Variants in ZBTB20 observed in about 807,000 individuals in gnomAD.
ZBTB20 encodes zinc finger and BTB domain containing 20.
In ZBTB20, 9 loss-of-function variants were observed where a neutral mutation model predicts 56.9. That is an observed-to-expected ratio of 0.16 (90% CI 0.10 to 0.28). The LOEUF (loss-of-function observed/expected upper bound fraction) is 0.28, where lower values mean the gene tolerates loss of function less well. Among genes scored for constraint, ZBTB20 ranks in the 10% least tolerant of loss-of-function variants. The pLI is 1.00. For missense variants in ZBTB20, 655 were observed against 1,003.0 expected, an observed-to-expected ratio of 0.65 and a Z score of 4.69; for synonymous variants, 417 against 420.7, an observed-to-expected ratio of 0.99 and a Z score of 0.11.
intron 2 of ZBTB20, among the ~76,000 whole-genome samples, chr3:114,982,416 TGCTACCAAAGACA>T (rs1347564976): frequency 6.6e-6 from 1 of 152,084 alleles, no homozygotes; most frequent in Non-Finnish European, 1.5e-5. Flanking sequence ...CTTGGCAGAT[TGCTACCAAAGACA>T]GCAACCAATT....
intron 5 of ZBTB20, among the ~76,000 whole-genome samples, chr3:114,751,904 T>C (rs1437298489): frequency 6.6e-6 from 1 of 152,104 alleles, no homozygotes; most frequent in Admixed American, 6.6e-5. Context: ...GTAAGAAATG[T>C]GTTTTGAATT....
intron 6 of ZBTB20, among the ~76,000 whole-genome samples, chr3:114,681,066 T>G (rs1432848116): frequency 2.0e-5 from 3 of 152,224 alleles, no homozygotes; most frequent in Non-Finnish European, 2.9e-5. Context: ...TAGTAGACTC[T>G]AAACATATAT....
At position 114,936,421 on chromosome 3, in the gene ZBTB20, T is replaced by C. The variant is rs2076537226; in HGVS notation, c.-455-36079A>G. Among the ~76,000 whole-genome samples, 4 of 152,214 alleles carry C rather than the reference T, an allele frequency of 2.6e-5. 1 individual carries two copies. The South Asian group carries it at 8.3e-4, about 32-fold the overall frequency. On this transcript the variant is annotated intron_variant, in intron 3 of 11. Transcript: ENST00000675478. ...TACCATCCAGGGTTTTAGTTTAGCC[T>C]GAGTAAATGAGTAATCATTACATTT...
intron 1 of ZBTB20, among the ~76,000 whole-genome samples, chr3:115,120,872 C>G (rs1013640434): frequency 3.3e-5 from 5 of 151,944 alleles, no homozygotes; most frequent in Admixed American, 1.3e-4. Context: ...AATGTAAAGT[C>G]TTTGATTCAG....
intron 3 of ZBTB20, among the ~76,000 whole-genome samples, chr3:114,928,898 C>G (rs2076255110): frequency 6.6e-6 from 1 of 152,196 alleles, no homozygotes; most frequent in Admixed American, 6.5e-5. Context: ...CAATACAATG[C>G]TCTTTCCAAC....
chr3:115,021,474 A>G (rs935371726), intron 2 of ZBTB20, among the ~76,000 whole-genome samples: 1 of 150,962 alleles, frequency 6.6e-6, no homozygotes, highest in African/African-American at 2.4e-5. Context: ...ACACATACGC[A>G]ACATTAGAAA....
At chr3:114,357,405 T>TA (rs1244672431) in intron 10 of ZBTB20, among the ~76,000 whole-genome samples, 1 of 152,196 alleles carries the variant, frequency 6.6e-6, no homozygotes, top group East Asian at 1.9e-4. Flanking sequence ...AGACAAAGAT[T>TA]AAAAATTACT....
chr3:114,636,019 A>G (rs930652508), intron 6 of ZBTB20, among the ~76,000 whole-genome samples: 1 of 152,184 alleles, frequency 6.6e-6, no homozygotes. Context: ...CAGAATTTTG[A>G]GAGAAACAAG....
intron 5 of ZBTB20, among the ~76,000 whole-genome samples, chr3:114,783,122 C>G (rs1478766312): frequency 6.6e-6 from 1 of 152,086 alleles, no homozygotes; most frequent in Non-Finnish European, 1.5e-5. Context: ...AAAGTCTCTG[C>G]ATAAGAAGTA....
chr3:114,842,994 G>C (rs2074452393), intron 4 of ZBTB20, among the ~76,000 whole-genome samples: 1 of 152,060 alleles, frequency 6.6e-6, no homozygotes, highest in Non-Finnish European at 1.5e-5. Flanking sequence ...TAGTAAGTGA[G>C]GTCTCATAAG....
rs748610504 is a variant in ZBTB20 at position 115,068,687 on chromosome 3, C to T, written c.-507+2532G>A. Among the ~76,000 whole-genome samples, 36 of 152,036 alleles carry T rather than the reference C, an allele frequency of 2.4e-4. 1 individual carries two copies. In the South Asian group the frequency reaches 2.5e-3, roughly 11 times the overall value. ...TAGACCTAATTTCCATTATAGGCCC[C>T]GAAAGTGACCAATAGTGATACTTAT... On this transcript the variant is annotated intron_variant, in intron 2 of 11. Coordinates refer to ENST00000675478, the MANE Select transcript of ZBTB20 (RefSeq NM_001348800.3).
chr3:115,043,981 T>C (rs2081247543), intron 2 of ZBTB20, among the ~76,000 whole-genome samples: 1 of 152,120 alleles, frequency 6.6e-6, no homozygotes, highest in African/African-American at 2.4e-5. Flanking sequence ...CTTAAATGCA[T>C]GTGGCACCTC....
chr3:114,398,782 C>T (rs890893892), intron 7 of ZBTB20, among the ~76,000 whole-genome samples: 1 of 152,158 alleles, frequency 6.6e-6, no homozygotes, highest in South Asian at 2.1e-4. Flanking sequence ...TGAGGTTCCA[C>T]TGTGTGCTAT....
At chr3:114,415,042 C>G (rs1439715915) in intron 7 of ZBTB20, among the ~76,000 whole-genome samples, 1 of 151,722 alleles carries the variant, frequency 6.6e-6, no homozygotes, top group African/African-American at 2.4e-5. Context: ...TGGCTAGGGA[C>G]CACCCAAATA....
intron 11 of ZBTB20, among the ~76,000 whole-genome samples, chr3:114,340,239 G>A (rs2079656228): frequency 6.6e-6 from 1 of 151,798 alleles, no homozygotes; most frequent in African/African-American, 2.4e-5. Context: ...TGCCTCTGAG[G>A]TATACAGTCC....
At chr3:115,128,260 G>C (rs557689627) in intron 1 of ZBTB20, among the ~76,000 whole-genome samples, 1 of 152,116 alleles carries the variant, frequency 6.6e-6, no homozygotes, top group African/African-American at 2.4e-5. Context: ...AGGTGAAAAC[G>C]GGTTTGATTT....
intron 6 of ZBTB20, among the ~76,000 whole-genome samples, chr3:114,663,628 T>C (rs912127161): frequency 2.6e-5 from 4 of 151,602 alleles, no homozygotes; most frequent in Admixed American, 6.6e-5. Flanking sequence ...ATCAGTGTGC[T>C]ATATTCAGGA....
intron 7 of ZBTB20, among the ~76,000 whole-genome samples, chr3:114,459,877 A>G (rs952131731): frequency 3.3e-5 from 5 of 152,124 alleles, no homozygotes; most frequent in African/African-American, 1.2e-4. Flanking sequence ...AATTCAAAAG[A>G]AAAGTGGACA....
At chr3:114,547,814 C>A (rs1358239695) in intron 6 of ZBTB20, among the ~76,000 whole-genome samples, 2 of 152,096 alleles carry the variant, frequency 1.3e-5, no homozygotes. Flanking sequence ...TAAAAAAGTT[C>A]TATTACTGAA....
Sources: gnomAD v4.1 joint callset for allele counts (sites outside exome capture counted in the v4.1 genomes callset) on GRCh38, gnomAD v4.1.1 for gene constraint, MANE v1.5 for transcripts, NCBI Gene and HGNC (gene_info 2026-07-23, HGNC 2026-07-21) for gene names.